Variants in TMEM132D observed in about 807,000 individuals in gnomAD.
The protein encoded by TMEM132D is mature OL transmembrane protein.
TMEM132D carries 21 observed loss-of-function variants against 62.3 expected under a neutral mutation model. The observed-to-expected ratio is 0.34, with a 90% confidence interval of 0.24 to 0.49. The LOEUF (loss-of-function observed/expected upper bound fraction) is 0.49. TMEM132D is among the 20% of genes least tolerant of loss of function. The pLI is 0.99. For missense variants in TMEM132D, 1,346 were observed against 1,402.8 expected (o/e 0.96, Z 0.65); for synonymous variants, 621 against 575.6 (o/e 1.08, Z -1.13).
At chr12:129,321,002 C>A (rs193187531) in intron 4 of TMEM132D, among the ~76,000 whole-genome samples, 15 of 152,270 alleles carry the variant, frequency 9.9e-5, no homozygotes, top group Non-Finnish European at 1.8e-4. Context: ...ACCTACCTGT[C>A]ATCTATCTCT....
intron 3 of TMEM132D, among the ~76,000 whole-genome samples, chr12:129,437,400 T>G (rs1449139599): frequency 6.6e-6 from 1 of 152,180 alleles, no homozygotes; most frequent in African/African-American, 2.4e-5. Flanking sequence ...TTTTAAGTAT[T>G]TGGGGTATAA....
chr12:129,858,970 GA>G (rs1873790008), intron 1 of TMEM132D, among the ~76,000 whole-genome samples: 1 of 123,720 alleles, frequency 8.1e-6, no homozygotes, highest in Admixed American at 7.8e-5. Context: ...GAGTCCGGGG[GA>G]ACGGGATGGG....
In TMEM132D at chr12:129,741,268, T is replaced by C. The variant is rs77949129; in HGVS notation, c.80-40570A>G. Among the ~76,000 whole-genome samples the C allele has an allele frequency of 7.9e-5, 12 of 152,330 alleles. No homozygotes were observed. The East Asian group carries it at 2.3e-3, about 29-fold the overall frequency. On this transcript the variant is annotated intron_variant, in intron 1 of 8. Transcript: ENST00000422113. Reference sequence around the variant, plus strand: ...CCTCAATTTTCCAGTGGGAAATAACTTTCCTTGACTTCTCTCTTAGTTTTC... The same window carrying C: ...CCTCAATTTTCCAGTGGGAAATAACCTTCCTTGACTTCTCTCTTAGTTTTC...
Position 129,525,737 on chromosome 12 carries a change from C to T in TMEM132D, c.1115+5322G>A, listed in dbSNP as rs554754539. 1.6e-4 allele frequency among the ~76,000 whole-genome samples: 24 copies of T among 152,284 alleles called. No homozygotes were observed. In the South Asian group the frequency reaches 1.9e-3, roughly 12 times the overall value. On this transcript the variant is annotated intron_variant, in intron 3 of 8. Coordinates refer to ENST00000422113, the MANE Select transcript of TMEM132D (RefSeq NM_133448.3). ...ATCTGCCAGACAGACATCACTGCGA[C>T]GCACAGCATAAAAATGAGAACGAAA...
chr12:129,215,605 G>A (rs1879178183), intron 4 of TMEM132D, among the ~76,000 whole-genome samples: 2 of 152,218 alleles, frequency 1.3e-5, no homozygotes, highest in African/African-American at 4.8e-5. Flanking sequence ...CGCATCTTGT[G>A]ACTCAAAGGT....
rs887600851 is a variant in TMEM132D, at chr12:129,804,444, T to G, written c.79+98817A>C. Among the ~76,000 whole-genome samples, 131 of 145,222 alleles carry G rather than the reference T, an allele frequency of 9.0e-4. 2 individuals carry two copies. Among genetic ancestry groups the G allele is most frequent in the African/African-American group, 3.2e-3 (125 of 39,234 alleles). On this transcript the variant is annotated intron_variant, in intron 1 of 8. Transcript: ENST00000422113. ...AACAGAGCCAAAGACAAAAACCACATGATTATCTCAATAGATGCAGAAAAG... is the reference window on the plus strand; with the variant it reads ...AACAGAGCCAAAGACAAAAACCACAGGATTATCTCAATAGATGCAGAAAAG...
intron 1 of TMEM132D, among the ~76,000 whole-genome samples, chr12:129,885,944 T>G (rs1874738102): frequency 6.6e-6 from 1 of 152,232 alleles, no homozygotes; most frequent in East Asian, 1.9e-4. Context: ...TTTAACCTAA[T>G]GTAATAACCT....
At chr12:129,223,752 T>G (rs981619626) in intron 4 of TMEM132D, among the ~76,000 whole-genome samples, 1 of 152,212 alleles carries the variant, frequency 6.6e-6, no homozygotes, top group African/African-American at 2.4e-5. Flanking sequence ...TAACTTTTAC[T>G]TTTATACTCT....
intron 1 of TMEM132D, among the ~76,000 whole-genome samples, chr12:129,754,142 G>C (rs1194934337): frequency 6.6e-6 from 1 of 152,204 alleles, no homozygotes; most frequent in Non-Finnish European, 1.5e-5. Flanking sequence ...AGCGGGAAAA[G>C]TAGGTGCTGG....
chr12:129,118,962 C>A lies in TMEM132D; in HGVS notation c.1444-34260G>T, dbSNP rs12313257. Among the ~76,000 whole-genome samples the A allele has an allele frequency of 6.5e-3, 992 of 152,310 alleles. 8 individuals are homozygous for A. The highest frequency in any genetic ancestry group is 0.022 in the African/African-American group (929 of 41,566). ...CCTTCTACAGGGCAGATTTGATGCTCTGACAAATGGAGTGCACTTAGAAAG... is the reference window on the plus strand; with the variant it reads ...CCTTCTACAGGGCAGATTTGATGCTATGACAAATGGAGTGCACTTAGAAAG... On this transcript the variant is annotated intron_variant, in intron 5 of 8. Coordinates refer to ENST00000422113, the MANE Select transcript of TMEM132D (RefSeq NM_133448.3).
intron 1 of TMEM132D, among the ~76,000 whole-genome samples, chr12:129,706,774 GAATAT>G (rs1349387821): frequency 6.6e-6 from 1 of 151,658 alleles, no homozygotes; most frequent in Non-Finnish European, 1.5e-5. Flanking sequence ...ATATACACGA[GAATAT>G]AATTTCATAA....
chr12:129,243,514 T>C (rs1879989319), intron 4 of TMEM132D, among the ~76,000 whole-genome samples: 1 of 152,214 alleles, frequency 6.6e-6, no homozygotes, highest in Non-Finnish European at 1.5e-5. Flanking sequence ...TGTCCTATTC[T>C]TTACACATGC....
intron 4 of TMEM132D, among the ~76,000 whole-genome samples, chr12:129,325,496 G>C (rs1868877120): frequency 6.6e-6 from 1 of 152,148 alleles, no homozygotes; most frequent in Non-Finnish European, 1.5e-5. Context: ...GGATCCAAAG[G>C]CTTGTTGGAA....
chr12:129,389,571 AC>A (rs1871240171), intron 3 of TMEM132D, among the ~76,000 whole-genome samples: 1 of 151,514 alleles, frequency 6.6e-6, no homozygotes, highest in Non-Finnish European at 1.5e-5. Flanking sequence ...TAATACAAAC[AC>A]CAATACCAAC....
At chr12:129,539,850 T>C (rs1876536608) in intron 2 of TMEM132D, among the ~76,000 whole-genome samples, 3 of 152,112 alleles carry the variant, frequency 2.0e-5, no homozygotes, top group Admixed American at 1.3e-4. Flanking sequence ...ACAAAGCAGC[T>C]CAAAGCCAGA....
intron 3 of TMEM132D, among the ~76,000 whole-genome samples, chr12:129,428,186 T>C (rs2135714501): frequency 6.6e-6 from 1 of 152,304 alleles, no homozygotes; most frequent in South Asian, 2.1e-4. Context: ...TTCTTACAAA[T>C]ACGGAAACCC....
intron 1 of TMEM132D, among the ~76,000 whole-genome samples, chr12:129,836,321 T>C (rs1045156804): frequency 9.9e-5 from 15 of 152,168 alleles, no homozygotes; most frequent in African/African-American, 3.6e-4. Flanking sequence ...TCTGCAGACA[T>C]TTGGAGCTGA....
chr12:129,390,724 G>A (rs958396510), intron 3 of TMEM132D, among the ~76,000 whole-genome samples: 3 of 152,020 alleles, frequency 2.0e-5, no homozygotes, highest in Non-Finnish European at 4.4e-5. Flanking sequence ...GGGACCACTC[G>A]CTCTGCCCTG....
At chr12:129,323,990 T>C (rs1431694714) in intron 4 of TMEM132D, among the ~76,000 whole-genome samples, 1 of 152,178 alleles carries the variant, frequency 6.6e-6, no homozygotes, top group African/African-American at 2.4e-5. Flanking sequence ...CAAAATTCCA[T>C]ATAACCATAT....
Sources: allele counts gnomAD v4.1 joint callset (sites outside exome capture counted in the v4.1 genomes callset), GRCh38; gene constraint gnomAD v4.1.1; transcripts MANE v1.5; gene names NCBI Gene and HGNC (gene_info 2026-07-23, HGNC 2026-07-21).